The following DPYS variants were observed in gnomAD, a reference collection of about 807,000 sequenced individuals.
The protein encoded by DPYS is dihydropyrimidine amidohydrolase.
In DPYS, 39 loss-of-function variants were observed where a neutral mutation model predicts 50.3. The ratio of observed to expected loss-of-function variants is 0.78; its 90% CI spans 0.60 to 1.01. DPYS has a LOEUF of 1.01. Ranked by LOEUF, DPYS falls within the 50% of genes least tolerant of loss-of-function variation. The probability of loss-of-function intolerance (pLI) is 0.00; values close to 1 mark genes in which losing one functional copy is unlikely to be tolerated. For synonymous variants in DPYS, 245 were observed against 250.7 expected, an observed-to-expected ratio of 0.98 and a Z score of 0.22; for missense variants, 659 against 680.9, an observed-to-expected ratio of 0.97 and a Z score of 0.36.
intron 4 of DPYS, among the ~76,000 whole-genome samples, chr8:104,439,998 A>C (rs1035565149): frequency 6.6e-6 from 1 of 152,208 alleles, no homozygotes; most frequent in Non-Finnish European, 1.5e-5. Flanking sequence ...CCTCAATTTC[A>C]TCAGTCACAA....
chr8:104,406,621 G>A (rs924910770), intron 7 of DPYS, among the ~76,000 whole-genome samples: 2 of 152,068 alleles, frequency 1.3e-5, no homozygotes, highest in Non-Finnish European at 1.5e-5. Context: ...GTTGGGGTTC[G>A]ACCTGGTCCT....
intron 5 of DPYS, 125 bp from the exon 6 acceptor site, chr8:104,428,246 A>G: frequency 3.1e-6 from 4 of 1,281,608 alleles, no homozygotes; most frequent in Non-Finnish European, 4.5e-6. Flanking sequence ...CCAATGGAGA[A>G]TGAGCAGTTT....
intron 5 of DPYS, among the ~76,000 whole-genome samples, chr8:104,428,485 T>C (rs1042089939): frequency 1.3e-5 from 2 of 152,214 alleles, no homozygotes; most frequent in Admixed American, 6.5e-5. Context: ...CCAGCAAATA[T>C]GTGAGAGAAA....
chr8:104,430,711 C>T (rs1380788434), intron 4 of DPYS, among the ~76,000 whole-genome samples: 5 of 152,176 alleles, frequency 3.3e-5, no homozygotes, highest in African/African-American at 1.2e-4. Context: ...TCAAACTAGC[C>T]ATCTTCCACT....
intron 1 of DPYS, among the ~76,000 whole-genome samples, chr8:104,461,120 C>CAAA (rs367619842): frequency 0.029 from 3,246 of 112,310 alleles, 65 homozygotes; most frequent in Middle Eastern, 0.05. Context: ...CCTGTCTCTA[C>CAAA]AAAAAAAAAA....
At chr8:104,399,075 G>C (rs1325104714) in intron 7 of DPYS, among the ~76,000 whole-genome samples, 1 of 152,026 alleles carries the variant, frequency 6.6e-6, no homozygotes, top group Non-Finnish European at 1.5e-5. Flanking sequence ...CAGATCACTT[G>C]AGGTCAGGAG....
intron 7 of DPYS, among the ~76,000 whole-genome samples, chr8:104,403,814 C>A (rs967119607): frequency 6.6e-6 from 1 of 152,138 alleles, no homozygotes; most frequent in Admixed American, 6.6e-5. Flanking sequence ...ACCATGAAAT[C>A]CAGAATGCTA....
chr8:104,426,579 T>C (rs1200740814), intron 6 of DPYS, among the ~76,000 whole-genome samples: 1 of 152,196 alleles, frequency 6.6e-6, no homozygotes, highest in Non-Finnish European at 1.5e-5. Flanking sequence ...GTGGTATGTG[T>C]AGGGTAAAAG....
At chr8:104,391,523 T>C (rs895880395) in intron 8 of DPYS, among the ~76,000 whole-genome samples, 18 of 152,200 alleles carry the variant, frequency 1.2e-4, no homozygotes, top group Non-Finnish European at 2.1e-4. Context: ...GAAATTTAGA[T>C]TTTTTAAATC....
chr8:104,392,239 A>G (rs1811410851), intron 8 of DPYS, among the ~76,000 whole-genome samples: 1 of 152,152 alleles, frequency 6.6e-6, no homozygotes. Context: ...CTCTCAGCCA[A>G]TGACTGGGCC....
At chr8:104,382,616 C>G (rs1426667918) in intron 8 of DPYS, among the ~76,000 whole-genome samples, 8 of 149,248 alleles carry the variant, frequency 5.4e-5, no homozygotes, top group African/African-American at 2.0e-4. Flanking sequence ...CCTAGGGTGA[C>G]TGTACAATTT....
intron 7 of DPYS, among the ~76,000 whole-genome samples, chr8:104,415,350 A>T (rs1487968414): frequency 6.6e-6 from 1 of 152,228 alleles, no homozygotes; most frequent in African/African-American, 2.4e-5. Context: ...GCCAAGCCAA[A>T]TGATCAGTGA....
At chr8:104,416,658 AGTGTGTGTGT>A (rs58283473) in intron 7 of DPYS, among the ~76,000 whole-genome samples, 2 of 150,644 alleles carry the variant, frequency 1.3e-5, no homozygotes, top group Admixed American at 6.6e-5. Context: ...TGTGCATGTG[AGTGTGTGTGT>A]GTGTGTGTGC....
intron 7 of DPYS, among the ~76,000 whole-genome samples, chr8:104,410,814 A>G (rs1471791553): frequency 1.3e-5 from 2 of 151,886 alleles, no homozygotes; most frequent in Non-Finnish European, 2.9e-5. Flanking sequence ...CCCCTCTCTC[A>G]TTCTCCAGTT....
At chr8:104,406,760 C>G (rs774468593) in intron 7 of DPYS, among the ~76,000 whole-genome samples, 6 of 152,204 alleles carry the variant, frequency 3.9e-5, no homozygotes, top group Admixed American at 6.5e-5. Flanking sequence ...AAGGTCAAGT[C>G]ATACATATGG....
At chr8:104,442,402 T>G (rs1356623185) in intron 4 of DPYS, among the ~76,000 whole-genome samples, 1 of 152,184 alleles carries the variant, frequency 6.6e-6, no homozygotes, top group Non-Finnish European at 1.5e-5. Context: ...TTTCTGCTGA[T>G]TTCACTGTTC....
At chr8:104,466,545 C>T (rs1380242715) in intron 1 of DPYS, 112 bp downstream of exon 1, 1 of 1,246,780 alleles carries the variant, frequency 8.0e-7, no homozygotes, top group African/African-American at 1.6e-5. Context: ...GCCCACCCAG[C>T]TCCTCGGCGC....
chr8:104,399,305 A>AC (rs1564083752), intron 7 of DPYS, among the ~76,000 whole-genome samples: 3 of 39,216 alleles, frequency 7.6e-5, no homozygotes, highest in Non-Finnish European at 3.1e-4. Context: ...AAAAAAAAAA[A>AC]AAAAACAACA....
intron 2 of DPYS, 112 bp downstream of exon 2, chr8:104,451,134 C>T: frequency 7.3e-7 from 1 of 1,367,598 alleles, no homozygotes; most frequent in South Asian, 1.2e-5. Flanking sequence ...AGTCTTCCTG[C>T]CAGTTCTGTC....
Sources: gnomAD v4.1 joint callset for allele counts (sites outside exome capture counted in the v4.1 genomes callset) on GRCh38, gnomAD v4.1.1 for gene constraint, MANE v1.5 for transcripts, NCBI Gene and HGNC (gene_info 2026-07-23, HGNC 2026-07-21) for gene names.